The following CSMD1 variants were observed in gnomAD, a reference collection of about 807,000 sequenced individuals.
CSMD1 encodes CUB and Sushi multiple domains 1, also known as CUB and sushi domain-containing protein 1.
A neutral mutation model predicts 417.5 loss-of-function variants in CSMD1; 213 were observed. The ratio of observed to expected loss-of-function variants is 0.51; its 90% CI spans 0.46 to 0.57. CSMD1 has a LOEUF of 0.57. Among genes scored for constraint, CSMD1 ranks in the 20% least tolerant of loss-of-function variants. The probability of loss-of-function intolerance (pLI) is 0.00; values close to 1 mark genes in which losing one functional copy is unlikely to be tolerated. For synonymous variants in CSMD1, 2,862 were observed against 1,736.8 expected (o/e 1.65, Z -16.11); for missense variants, 6,923 against 4,529.7 (o/e 1.53, Z -15.17).
At chr8:3,098,710 T>C (rs528325186) in intron 46 of CSMD1, among the ~76,000 whole-genome samples, 2 of 152,134 alleles carry the variant, frequency 1.3e-5, no homozygotes, top group African/African-American at 4.8e-5. Context: ...AAAGAAAAAA[T>C]AATGAAATTA....
chr8:3,367,061 G>A lies in CSMD1; in HGVS notation c.3086C>T (p.Ser1029Leu), dbSNP rs773842728. Residue 1029 changes from serine (S) to leucine (L), a missense_variant, in exon 20 of 70, where the codon TCG becomes TTG. By Grantham distance (145) the Ser-to-Leu change is moderately radical. Coordinates refer to ENST00000635120, the MANE Select transcript of CSMD1 (RefSeq NM_033225.6). Reference protein sequence around the residue: ...QLRFISDFSISYEGFNITFSE... With the variant: ...QLRFISDFSILYEGFNITFSE... ...AAATGTGATATTGAAGCCCTCGTAC[G>A]AAATTGAGAAGTCTGATATAAACCG... is the stretch of plus-strand genomic sequence containing the variant. 4 of 1,613,690 alleles carry A rather than the reference G, an allele frequency of 2.5e-6. No homozygotes were observed. Among genetic ancestry groups the A allele is most frequent in the African/African-American group, 1.3e-5 (1 of 75,046 alleles).
rs34791623 is a variant in CSMD1, at chr8:4,510,390, T to TAAAAAAAAAAAAAAAAAAAAAAAAAAAA, written c.303-90353_303-90326dup. Among the ~76,000 whole-genome samples, 13 of 54,616 alleles carry TAAAAAAAAAAAAAAAAAAAAAAAAAAAA rather than the reference T, an allele frequency of 2.4e-4. 1 individual carries two copies. The highest frequency in any genetic ancestry group is 1.8e-3 in the South Asian group (2 of 1,102). 35.8% of individuals were successfully genotyped at this position (54,616 alleles called of 152,430 possible). ...GTAGACAATTAAAAAGCATAATGCC[T>TAAAAAAAAAAAAAAAAAAAAAAAAAAAA]AAAAAAAAAAAAAAAAAAAAAAAAA... On this transcript the variant is annotated intron_variant, in intron 2 of 69. Coordinates refer to ENST00000635120, the MANE Select transcript of CSMD1 (RefSeq NM_033225.6).
chr8:3,043,992 T>C (rs1212879982), intron 50 of CSMD1, among the ~76,000 whole-genome samples: 1 of 152,228 alleles, frequency 6.6e-6, no homozygotes, highest in African/African-American at 2.4e-5. Context: ...AGCAGCTTAA[T>C]GTCTACTTCA....
At chr8:4,220,819 C>A (rs1800985551) in intron 3 of CSMD1, among the ~76,000 whole-genome samples, 1 of 152,178 alleles carries the variant, frequency 6.6e-6, no homozygotes, top group South Asian at 2.1e-4. Flanking sequence ...AGGTAAGACA[C>A]CATGGGGCTG....
At chr8:3,525,627 G>C (rs553819566) in intron 10 of CSMD1, among the ~76,000 whole-genome samples, 1 of 152,086 alleles carries the variant, frequency 6.6e-6, no homozygotes. Flanking sequence ...AAAACCTCTT[G>C]CCTGACATTC....
intron 3 of CSMD1, among the ~76,000 whole-genome samples, chr8:4,189,218 C>A (rs138717143): frequency 1.1e-3 from 161 of 152,274 alleles, no homozygotes; most frequent in African/African-American, 3.5e-3. Context: ...TGTGTTTATG[C>A]CCCAGGACCC....
chr8:3,009,220 A>G (rs1231545895), intron 52 of CSMD1, among the ~76,000 whole-genome samples: 1 of 152,212 alleles, frequency 6.6e-6, no homozygotes, highest in East Asian at 1.9e-4. Flanking sequence ...TCACGTCTTC[A>G]GTGTGCAGGT....
chr8:4,404,746 G>C (rs1357017321), intron 3 of CSMD1, among the ~76,000 whole-genome samples: 4 of 151,452 alleles, frequency 2.6e-5, no homozygotes, highest in Non-Finnish European at 4.4e-5. Flanking sequence ...AATTTATTTG[G>C]ATGGCACATA....
At chr8:3,978,652 C>G in intron 5 of CSMD1, among the ~76,000 whole-genome samples, 1 of 152,096 alleles carries the variant, frequency 6.6e-6, no homozygotes, top group Admixed American at 6.6e-5. Flanking sequence ...TCCACCTCCT[C>G]GTGGTGATGA....
chr8:4,371,847 T>C (rs1040274657), intron 3 of CSMD1, among the ~76,000 whole-genome samples: 4 of 152,196 alleles, frequency 2.6e-5, no homozygotes, highest in African/African-American at 7.2e-5. Flanking sequence ...GTAAACTGAA[T>C]TGATCAAAAT....
chr8:4,707,071 A>T (rs1233606632), intron 1 of CSMD1, among the ~76,000 whole-genome samples: 1 of 152,186 alleles, frequency 6.6e-6, no homozygotes, highest in South Asian at 2.1e-4. Context: ...TGAGATTAGG[A>T]AAGATCACCC....
At chr8:4,862,418 T>C (rs1209731308) in intron 1 of CSMD1, among the ~76,000 whole-genome samples, 1 of 152,084 alleles carries the variant, frequency 6.6e-6, no homozygotes, top group East Asian at 1.9e-4. Flanking sequence ...GTGAAGTAGA[T>C]GATGAACTCT....
At chr8:4,433,084 A>C (rs1797962029) in intron 2 of CSMD1, among the ~76,000 whole-genome samples, 1 of 152,170 alleles carries the variant, frequency 6.6e-6, no homozygotes, top group South Asian at 2.1e-4. Flanking sequence ...CCAATGCCTG[A>C]TGATCTGTCA....
At chr8:3,135,420 T>G (rs1163316949) in intron 41 of CSMD1, among the ~76,000 whole-genome samples, 2 of 151,878 alleles carry the variant, frequency 1.3e-5, no homozygotes, top group African/African-American at 4.8e-5. Context: ...TAAAACATGC[T>G]CTTGAGTGAA....
At chr8:4,334,905 G>A (rs773444124) in intron 3 of CSMD1, among the ~76,000 whole-genome samples, 1 of 151,982 alleles carries the variant, frequency 6.6e-6, no homozygotes, top group Non-Finnish European at 1.5e-5. Context: ...GTGTCAGTGA[G>A]GACCCACTTT....
At chr8:4,210,898 A>C (rs759341407) in intron 3 of CSMD1, among the ~76,000 whole-genome samples, 1 of 152,172 alleles carries the variant, frequency 6.6e-6, no homozygotes, top group African/African-American at 2.4e-5. Flanking sequence ...CATATTTTCT[A>C]TAAGAAATGG....
intron 2 of CSMD1, among the ~76,000 whole-genome samples, chr8:4,463,317 A>T (rs963177463): frequency 2.6e-5 from 4 of 152,160 alleles, no homozygotes; most frequent in Admixed American, 1.3e-4. Flanking sequence ...TGGGTGTTTC[A>T]CTTCCCTATG....
At chr8:3,790,770 G>C (rs144066766) in intron 5 of CSMD1, among the ~76,000 whole-genome samples, 1 of 152,146 alleles carries the variant, frequency 6.6e-6, no homozygotes, top group Non-Finnish European at 1.5e-5. Context: ...TAACTGCTGA[G>C]TATAGTGAGT....
intron 33 of CSMD1, among the ~76,000 whole-genome samples, chr8:3,197,496 C>G (rs113580454): frequency 1.4e-5 from 2 of 146,226 alleles, no homozygotes; most frequent in African/African-American, 2.5e-5. Flanking sequence ...GACGGAGTCT[C>G]GCTCTGTCAC....
Sources: allele counts gnomAD v4.1 joint callset (sites outside exome capture counted in the v4.1 genomes callset), GRCh38; gene constraint gnomAD v4.1.1; transcripts MANE v1.5; gene names NCBI Gene and HGNC (gene_info 2026-07-23, HGNC 2026-07-21).